CNTRL: variants seen among roughly 807,000 people sequenced by gnomAD.
CNTRL encodes the protein 110 kDa centrosomal protein.
A neutral mutation model predicts 303.7 loss-of-function variants in CNTRL; 233 were observed. The ratio of observed to expected loss-of-function variants is 0.77; its 90% CI spans 0.69 to 0.86. The LOEUF (loss-of-function observed/expected upper bound fraction) is 0.86, where lower values mean the gene tolerates loss of function less well. Ranked by LOEUF, CNTRL falls within the 40% of genes least tolerant of loss-of-function variation. The probability of loss-of-function intolerance (pLI) is 0.00; values close to 1 mark genes in which losing one functional copy is unlikely to be tolerated. For synonymous variants in CNTRL, 900 were observed against 922.2 expected (o/e 0.98, Z 0.44); for missense variants, 2,524 against 2,650.6 (o/e 0.95, Z 1.05).
intron 39 of CNTRL, 122 bp downstream of exon 39, chr9:121,169,938 G>C (rs2053238414): frequency 1.3e-6 from 1 of 789,362 alleles, no homozygotes; most frequent in Non-Finnish European, 2.0e-6. Flanking sequence ...CCCAGCTGTT[G>C]TTATTGATGT....
Position 121,169,827 on chromosome 9 carries a change from G to A in CNTRL, c.6276+11G>A, listed in dbSNP as rs1221905775. ...GAGAAAAACCTTCTTGTGAGTACCT[G>A]CTGCCGTGGCAGTTTGTGAGGAAAT... On this transcript the variant is annotated intron_variant, in intron 39 of 43. Coordinates refer to ENST00000373855, the MANE Select transcript of CNTRL (RefSeq NM_007018.6). 4.4e-6 allele frequency: 7 copies of A among 1,608,946 alleles called. No homozygotes were observed. The highest frequency in any genetic ancestry group is 5.9e-6 in the Non-Finnish European group (7 of 1,176,666).
chr9:121,145,313 C>T lies in CNTRL; in HGVS notation c.3238C>T (p.Leu1080=), dbSNP rs773211965. Residue 1080 remains leucine, a synonymous_variant, in exon 22 of 44, where the codon CTG becomes TTG. Transcript: ENST00000373855. ...ANSQVLEIEK[L]NETMERQRTE... ...CTCACAGGTCCTAGAAATTGAGAAA[C>T]TGAATGAGACAATGGAACGACAAAG... is the stretch of plus-strand genomic sequence containing the variant. The T allele has an allele frequency of 6.2e-7, 1 of 1,614,026 alleles. No individual in the cohort carries two copies. The highest frequency in any genetic ancestry group is 2.2e-5 in the East Asian group (1 of 44,858).
At chr9:121,139,979 A>G (rs776708830) in intron 16 of CNTRL, among the ~76,000 whole-genome samples, 9 of 152,124 alleles carry the variant, frequency 5.9e-5, no homozygotes, top group East Asian at 5.8e-4. Context: ...TACTTGGCCA[A>G]CTAACCTCCT....
intron 14 of CNTRL, among the ~76,000 whole-genome samples, chr9:121,134,597 A>G (rs1264311150): frequency 6.6e-6 from 1 of 152,178 alleles, no homozygotes; most frequent in African/African-American, 2.4e-5. Flanking sequence ...ACCCGGCCCT[A>G]AGGTCCTCTA....
Position 121,074,976 on chromosome 9 carries a change from T to TG in CNTRL, c.-294dup, listed in dbSNP as rs1223600406. 2.2e-6 allele frequency: 1 copy of TG among 455,850 alleles called. No homozygotes were observed. Among genetic ancestry groups the TG allele is most frequent in the Non-Finnish European group, 4.4e-6 (1 of 226,722 alleles). 28.2% of individuals were successfully genotyped at this position (455,850 alleles called of 1,614,324 possible). A position where few individuals can be genotyped will look rare whatever the true frequency, so the allele number is the denominator to read the frequency against. ...CGGCAACCGGCACAACACAACAAAA[T>TG]GGCTGCCGCGCCGCTGGGCCCCTGA... On this transcript the variant is annotated 5_prime_UTR_variant, in exon 1 of 44. An upstream open reading frame in the 5' UTR loses its in-frame stop. Coordinates refer to ENST00000373855, the MANE Select transcript of CNTRL (RefSeq NM_007018.6).
chr9:121,174,917 C>A, intron 42 of CNTRL, 101 bp from the exon 43 acceptor site: 1 of 1,029,808 alleles, frequency 9.7e-7, no homozygotes, highest in Non-Finnish European at 1.5e-6. Flanking sequence ...GCCATTCCTA[C>A]TGTTAGCCAG....
At chr9:121,167,056 T>A (rs1004446232) in intron 36 of CNTRL, among the ~76,000 whole-genome samples, 3 of 150,938 alleles carry the variant, frequency 2.0e-5, no homozygotes, top group African/African-American at 7.3e-5. Flanking sequence ...ACACAGGCCA[T>A]CCCAGCACTT....
chr9:121,148,550 G>T lies in CNTRL; in HGVS notation c.3460-122G>T, dbSNP rs1286769117. ...CACTTCTGTGAAAAATAAGGATAAT[G>T]AAAAGAAGCCAAGTTCTTTCTCAAC... On this transcript the variant is annotated intron_variant, in intron 23 of 43. Coordinates refer to ENST00000373855, the MANE Select transcript of CNTRL (RefSeq NM_007018.6). 13 of 870,536 alleles carry T rather than the reference G, an allele frequency of 1.5e-5. No individual in the cohort carries two copies. In the East Asian group the frequency reaches 1.8e-4, roughly 12 times the overall value. 53.9% of individuals were successfully genotyped at this position (870,536 alleles called of 1,614,324 possible).
intron 7 of CNTRL, among the ~76,000 whole-genome samples, chr9:121,100,172 A>T (rs1392605196): frequency 3.3e-5 from 5 of 152,250 alleles, no homozygotes; most frequent in Non-Finnish European, 4.4e-5. Flanking sequence ...AGGTCGGGTT[A>T]CCCACAAGGG....
intron 34 of CNTRL, among the ~76,000 whole-genome samples, chr9:121,162,913 T>TA (rs1196119610): frequency 2.0e-5 from 3 of 152,156 alleles, no homozygotes; most frequent in African/African-American, 7.2e-5. Context: ...CTGATTTTGA[T>TA]AAAGATAAAA....
At chr9:121,168,437 G>T in intron 38 of CNTRL, 116 bp downstream of exon 38, 1 of 803,676 alleles carries the variant, frequency 1.2e-6, no homozygotes. Flanking sequence ...GAGGAGGCAG[G>T]AGAAGTAAAG....
Position 121,164,960 on chromosome 9 carries a change from A to G in CNTRL, c.5441A>G (p.Glu1814Gly), listed in dbSNP as rs765449945. The change falls in exon 35 of 44, where the codon GAA (glutamate) becomes GGA (glycine). Residue 1814 changes from glutamate (E) to glycine (G), a missense_variant. Coordinates refer to ENST00000373855, the MANE Select transcript of CNTRL (RefSeq NM_007018.6). Reference sequence around the variant, plus strand: ...TGTGGTAGGGTTTTAGCAGCAGCAGAAGAAAATAGCAAAATGGAGCAATCA... The same window carrying G: ...TGTGGTAGGGTTTTAGCAGCAGCAGGAGAAAATAGCAAAATGGAGCAATCA... ...AQTKRVLAAA[E>G]ENSKMEQSNL... 1 of 1,612,652 alleles carries G rather than the reference A, an allele frequency of 6.2e-7. No individual in the cohort carries two copies.
At chr9:121,160,393 CTTTAAAG>C in intron 32 of CNTRL, 91 bp downstream of exon 32, 2 of 967,202 alleles carry the variant, frequency 2.1e-6, no homozygotes. Context: ...GCCAAAAAAA[CTTTAAAG>C]TTTAACCTTA....
intron 34 of CNTRL, among the ~76,000 whole-genome samples, chr9:121,162,746 A>G (rs1401891588): frequency 6.6e-6 from 1 of 152,212 alleles, no homozygotes; most frequent in African/African-American, 2.4e-5. Context: ...CAACTTTTAG[A>G]AAGTAGAACA....
At chr9:121,150,548 A>G (rs1271202213) in intron 25 of CNTRL, 65 bp downstream of exon 25, 5 of 1,462,112 alleles carry the variant, frequency 3.4e-6, no homozygotes, top group Non-Finnish European at 4.8e-6. Context: ...AAGGTTATAT[A>G]CTTAATGAGT....
At chr9:121,122,306 T>TAGGG in intron 12 of CNTRL, 9 of 611,976 alleles carry the variant, frequency 1.5e-5, no homozygotes, top group Non-Finnish European at 1.8e-5. Flanking sequence ...TTTGGGAGTG[T>TAGGG]AGGGAAAAGA....
chr9:121,171,597 C>G, intron 40 of CNTRL, 49 bp downstream of exon 40: 2 of 1,587,332 alleles, frequency 1.3e-6, no homozygotes, highest in Non-Finnish European at 1.7e-6. Context: ...AGAGGACTCA[C>G]TGGGCTCAGG....
At chr9:121,085,446 G>A (rs2132152910) in intron 2 of CNTRL, among the ~76,000 whole-genome samples, 1 of 152,294 alleles carries the variant, frequency 6.6e-6, no homozygotes, top group East Asian at 1.9e-4. Flanking sequence ...GAGAGCACAT[G>A]CATGAAAGAG....
Position 121,112,604 on chromosome 9 carries a change from T to A in CNTRL, c.1122+26T>A, listed in dbSNP as rs745546468. ...GTGAGTTATTTTAATTTTTTAGTAA[T>A]CCAAAGTTAAAGCCCACATGGGATG... On this transcript the variant is annotated intron_variant, in intron 9 of 43. Transcript: ENST00000373855. 3.1e-6 allele frequency: 5 copies of A among 1,609,082 alleles called. No individual in the cohort carries two copies. The South Asian group carries it at 5.5e-5, about 18-fold the overall frequency.
Sources: allele counts gnomAD v4.1 joint callset (sites outside exome capture counted in the v4.1 genomes callset), GRCh38; gene constraint gnomAD v4.1.1; transcripts MANE v1.5; gene names NCBI Gene and HGNC (gene_info 2026-07-23, HGNC 2026-07-21).